PLCZ1: variants seen among roughly 807,000 people sequenced by gnomAD.
The protein encoded by PLCZ1 is 1-phosphatidylinositol 4,5-bisphosphate phosphodiesterase zeta-1.
PLCZ1 carries 64 observed loss-of-function variants against 76.8 expected under a neutral mutation model. The ratio of observed to expected loss-of-function variants is 0.83; its 90% CI spans 0.68 to 1.03. The LOEUF (loss-of-function observed/expected upper bound fraction) is 1.03, where lower values mean the gene tolerates loss of function less well. PLCZ1 is among the 50% of genes least tolerant of loss of function. PLCZ1 has a pLI of 0.00. For synonymous variants in PLCZ1, 248 were observed against 230.8 expected (o/e 1.07, Z -0.68); for missense variants, 751 against 713.7 (o/e 1.05, Z -0.60).
chr12:18,710,932 G>A (rs1026494324), intron 6 of PLCZ1, among the ~76,000 whole-genome samples: 1 of 152,074 alleles, frequency 6.6e-6, no homozygotes, highest in African/African-American at 2.4e-5. Flanking sequence ...TTACACTGTT[G>A]GTTGGACTGT....
chr12:18,728,417 G>A (rs1293412621), intron 3 of PLCZ1, among the ~76,000 whole-genome samples: 1 of 152,118 alleles, frequency 6.6e-6, no homozygotes, highest in African/African-American at 2.4e-5. Context: ...TGTCTTCAAC[G>A]TTCAGGATAG....
the PLCZ1 span, among the ~76,000 whole-genome samples, chr12:18,651,516 TG>T: frequency 6.6e-6 from 1 of 152,206 alleles, no homozygotes; most frequent in Non-Finnish European, 1.5e-5. Context: ...TTTAGTTCAC[TG>T]ACAGTAGAGA....
chr12:18,691,181 G>A (rs377687602), intron 12 of PLCZ1, among the ~76,000 whole-genome samples: 1 of 152,172 alleles, frequency 6.6e-6, no homozygotes, highest in South Asian at 2.1e-4. Context: ...GATGTGGGAT[G>A]TGAAGGAGAT....
rs556807853 is a variant in PLCZ1, at chr12:18,693,350, C to A, written c.1461+1560G>T. ...CCTATGCAGATACTGGGGGGTTGGA[C>A]AACCAAATTCGGGAAATTAAGGAAT... On this transcript the variant is annotated intron_variant, in intron 12 of 14. Coordinates refer to ENST00000266505, the MANE Select transcript of PLCZ1 (RefSeq NM_033123.4). 287 of 1,592,128 alleles carry A rather than the reference C, an allele frequency of 1.8e-4. 1 individual carries two copies. In the South Asian group the frequency reaches 3.0e-3, roughly 17 times the overall value.
At chr12:18,696,038 C>G in intron 11 of PLCZ1, 112 bp downstream of exon 11, 2 of 610,230 alleles carry the variant, frequency 3.3e-6, no homozygotes. Context: ...CCAAAGCCCC[C>G]GGGCTAAAAA....
chr12:18,702,697 G>A lies in PLCZ1; in HGVS notation c.865-921C>T, dbSNP rs372802472. Among the ~76,000 whole-genome samples, 3 of 152,200 alleles carry A rather than the reference G, an allele frequency of 2.0e-5. No individual in the cohort carries two copies. In the East Asian group the frequency reaches 5.8e-4, roughly 29 times the overall value. ...TGCTTGGGAAAGGGACAAATTCCTA[G>A]GATCTACTTCAAAATAAGGGAATCA... On this transcript the variant is annotated intron_variant, in intron 7 of 14. Transcript: ENST00000266505.
At chr12:18,720,609 CTA>C (rs758528495) in intron 4 of PLCZ1, among the ~76,000 whole-genome samples, 3 of 151,832 alleles carry the variant, frequency 2.0e-5, no homozygotes, top group Non-Finnish European at 4.4e-5. Flanking sequence ...TATATTCACT[CTA>C]AAATTTTTAG....
chr12:18,708,963 C>T (rs1956971303), intron 6 of PLCZ1, among the ~76,000 whole-genome samples: 1 of 151,840 alleles, frequency 6.6e-6, no homozygotes, highest in African/African-American at 2.4e-5. Context: ...CATAGGCTGC[C>T]CTTTGATTTT....
At chr12:18,712,105 G>A (rs374982012) in intron 6 of PLCZ1, among the ~76,000 whole-genome samples, 34 of 152,156 alleles carry the variant, frequency 2.2e-4, no homozygotes, top group East Asian at 7.7e-4. Context: ...GTTTTAGTAC[G>A]TAGTAAGAAT....
At chr12:18,703,841 C>A (rs1307021301) in intron 7 of PLCZ1, among the ~76,000 whole-genome samples, 1 of 152,054 alleles carries the variant, frequency 6.6e-6, no homozygotes, top group Non-Finnish European at 1.5e-5. Flanking sequence ...GAATCCCAAG[C>A]CTTTTGATTA....
rs1370935394 is a variant in PLCZ1, at chr12:18,700,538, A to AAAAAAAAG, written c.1018-589_1018-588insCTTTTTTT. ...AAAAAAAAAAAAAAAAAAAAAAAAT[A>AAAAAAAAG]GTTGCTCTGCCAAGAGATAGGCATT... On this transcript the variant is annotated intron_variant, in intron 9 of 14. Transcript: ENST00000266505. Among the ~76,000 whole-genome samples the AAAAAAAAG allele has an allele frequency of 1.5e-3, 203 of 135,916 alleles. 2 individuals are homozygous for AAAAAAAAG. The highest frequency in any genetic ancestry group is 3.9e-3 in the Middle Eastern group (1 of 258). 89.2% of individuals were successfully genotyped at this position (135,916 alleles called of 152,430 possible). A position where few individuals can be genotyped will look rare whatever the true frequency, so the allele number is the denominator to read the frequency against.
the PLCZ1 span, among the ~76,000 whole-genome samples, chr12:18,656,828 T>C: frequency 2.0e-5 from 3 of 152,170 alleles, no homozygotes; most frequent in Admixed American, 1.3e-4. Flanking sequence ...TTGAAACCAA[T>C]CAAATTTTGC....
chr12:18,681,172 G>A (rs1254698685), downstream of PLCZ1, among the ~76,000 whole-genome samples: 1 of 151,984 alleles, frequency 6.6e-6, no homozygotes, highest in Non-Finnish European at 1.5e-5. Flanking sequence ...CTCCACGGCA[G>A]CTCCTAGCAA....
At chr12:18,715,669 T>G (rs1957904331) in intron 5 of PLCZ1, 1 of 152,264 alleles carries the variant, frequency 6.6e-6, no homozygotes, top group African/African-American at 2.4e-5. Context: ...TTTTGTTTTT[T>G]TGTTGTTGTT....
chr12:18,686,209 C>T (rs1246014351), intron 13 of PLCZ1, among the ~76,000 whole-genome samples: 1 of 151,934 alleles, frequency 6.6e-6, no homozygotes, highest in African/African-American at 2.4e-5. Flanking sequence ...TATCCTGACT[C>T]TACTTTGTAT....
chr12:18,732,949 T>C (rs1319429501), intron 3 of PLCZ1, among the ~76,000 whole-genome samples: 1 of 152,222 alleles, frequency 6.6e-6, no homozygotes, highest in African/African-American at 2.4e-5. Flanking sequence ...TATCTCTTGA[T>C]TTCAATTCCT....
At chr12:18,653,924 T>C in the PLCZ1 span, among the ~76,000 whole-genome samples, 2 of 152,132 alleles carry the variant, frequency 1.3e-5, no homozygotes, top group Non-Finnish European at 2.9e-5. Flanking sequence ...TTTAAAGGAC[T>C]ATACCTGTCA....
At chr12:18,676,258 T>A in the PLCZ1 span, among the ~76,000 whole-genome samples, 1 of 152,122 alleles carries the variant, frequency 6.6e-6, no homozygotes, top group Non-Finnish European at 1.5e-5. Context: ...TGAGACCAGA[T>A]TTACCTGTTC....
At chr12:18,728,492 A>G (rs1007152543) in intron 3 of PLCZ1, among the ~76,000 whole-genome samples, 3 of 152,140 alleles carry the variant, frequency 2.0e-5, no homozygotes, top group African/African-American at 7.2e-5. Flanking sequence ...GCTCAGGAAA[A>G]GTTTGTAATG....
Sources: gnomAD v4.1 joint callset for allele counts (sites outside exome capture counted in the v4.1 genomes callset) on GRCh38, gnomAD v4.1.1 for gene constraint, MANE v1.5 for transcripts, NCBI Gene and HGNC (gene_info 2026-07-23, HGNC 2026-07-21) for gene names.